Variants in ASXL3 observed in about 807,000 individuals in gnomAD.
The protein encoded by ASXL3 is putative Polycomb group protein ASXL3.
Under a neutral mutation model 170.6 loss-of-function variants are expected in ASXL3, and 34 were observed. That is an observed-to-expected ratio of 0.20 (90% CI 0.15 to 0.27). ASXL3 has a LOEUF of 0.27. Among genes scored for constraint, ASXL3 ranks in the 10% least tolerant of loss-of-function variants. The pLI is 1.00. For synonymous variants in ASXL3, 1,002 were observed against 989.1 expected (o/e 1.01, Z -0.24); for missense variants, 2,592 against 2,695.3 (o/e 0.96, Z 0.85).
intron 2 of ASXL3, among the ~76,000 whole-genome samples, chr18:33,639,656 A>G (rs925432355): frequency 4.6e-5 from 7 of 152,156 alleles, no homozygotes; most frequent in African/African-American, 1.7e-4. Context: ...TCCTTGTATT[A>G]ATGTTTTTGA....
chr18:33,590,224 T>C (rs1470620592), intron 1 of ASXL3, among the ~76,000 whole-genome samples: 4 of 151,590 alleles, frequency 2.6e-5, no homozygotes, highest in Non-Finnish European at 5.9e-5. Context: ...ACGTGTGTTG[T>C]CCAACCTTAG....
chr18:33,636,402 A>C (rs72960046), intron 2 of ASXL3, among the ~76,000 whole-genome samples: 5 of 152,286 alleles, frequency 3.3e-5, no homozygotes, highest in Non-Finnish European at 5.9e-5. Context: ...ATGGCTAAGA[A>C]GCAGTCTGAG....
intron 4 of ASXL3, among the ~76,000 whole-genome samples, chr18:33,652,561 A>C (rs1427943642): frequency 7.2e-6 from 1 of 138,730 alleles, no homozygotes; most frequent in East Asian, 2.4e-4. Context: ...AGGAAGCAGC[A>C]CTCTAGCAAG....
At chr18:33,709,332 G>T (rs758145081) in intron 8 of ASXL3, among the ~76,000 whole-genome samples, 3 of 150,120 alleles carry the variant, frequency 2.0e-5, no homozygotes, top group Non-Finnish European at 4.4e-5. Flanking sequence ...AACATGAGCA[G>T]AAAAGTTATA....
At chr18:33,580,993 A>G (rs2064986742) in intron 1 of ASXL3, among the ~76,000 whole-genome samples, 1 of 152,148 alleles carries the variant, frequency 6.6e-6, no homozygotes, top group South Asian at 2.1e-4. Flanking sequence ...TCTAATTCTT[A>G]TTTTGTGAAG....
At position 33,749,242 on chromosome 18, in the gene ASXL3, T is replaced by C. The variant is rs1406991820; in HGVS notation, c.*2647T>C. On this transcript the variant is annotated 3_prime_UTR_variant, in exon 12 of 12. Coordinates refer to ENST00000269197, the MANE Select transcript of ASXL3 (RefSeq NM_030632.3). ...TATAGGTTTCCATTTAATATATATA[T>C]ACACACAAAATCCAGTATATTCTGA... The C allele has an allele frequency of 2.0e-5, 3 of 152,166 alleles. No homozygotes were observed. The highest frequency in any genetic ancestry group is 2.4e-5 in the African/African-American group (1 of 41,456). 9.4% of individuals were successfully genotyped at this position (152,166 alleles called of 1,614,324 possible).
chr18:33,680,765 G>T (rs1242694103), intron 7 of ASXL3, among the ~76,000 whole-genome samples: 1 of 151,820 alleles, frequency 6.6e-6, no homozygotes, highest in South Asian at 2.1e-4. Flanking sequence ...TAATATTGCA[G>T]TATGACTTTT....
At chr18:33,585,653 C>T (rs1384166900) in intron 1 of ASXL3, among the ~76,000 whole-genome samples, 1 of 152,170 alleles carries the variant, frequency 6.6e-6, no homozygotes, top group Admixed American at 6.5e-5. Context: ...CTGGGGTTAG[C>T]GCCAAAGGGC....
At chr18:33,628,639 G>A (rs2065634689) in intron 2 of ASXL3, among the ~76,000 whole-genome samples, 1 of 152,156 alleles carries the variant, frequency 6.6e-6, no homozygotes, top group African/African-American at 2.4e-5. Flanking sequence ...TGCATGGAAG[G>A]CAATCAGGTG....
intron 2 of ASXL3, among the ~76,000 whole-genome samples, chr18:33,637,052 T>C (rs907887535): frequency 2.0e-5 from 3 of 152,186 alleles, no homozygotes; most frequent in African/African-American, 4.8e-5. Context: ...GGATGTGTTT[T>C]TCAATTTTAT....
intron 7 of ASXL3, among the ~76,000 whole-genome samples, chr18:33,674,632 T>G (rs934251318): frequency 6.6e-6 from 1 of 152,082 alleles, no homozygotes; most frequent in Admixed American, 6.5e-5. Context: ...CTTTTTTTTT[T>G]TTTGAGACGG....
chr18:33,662,592 C>T (rs745534332), intron 5 of ASXL3, among the ~76,000 whole-genome samples: 28 of 152,184 alleles, frequency 1.8e-4, no homozygotes, highest in Non-Finnish European at 2.6e-4. Flanking sequence ...ATGGAGCCAT[C>T]GTATGATGAT....
chr18:33,640,850 G>A (rs371001643), intron 2 of ASXL3, among the ~76,000 whole-genome samples: 1 of 90,058 alleles, frequency 1.1e-5, no homozygotes, highest in Non-Finnish European at 2.1e-5. Context: ...GCTTGAATTT[G>A]TTGTTTTTAT....
chr18:33,678,024 G>A (rs889197782), intron 7 of ASXL3, among the ~76,000 whole-genome samples: 1 of 151,778 alleles, frequency 6.6e-6, no homozygotes, highest in Admixed American at 6.6e-5. Flanking sequence ...CAAGTAACTG[G>A]GACTACAGGC....
At chr18:33,614,894 T>G (rs1555720084) in intron 2 of ASXL3, 1 of 152,082 alleles carries the variant, frequency 6.6e-6, no homozygotes. Context: ...TGCAAACAGA[T>G]GTGGTGTCAT....
intron 1 of ASXL3, among the ~76,000 whole-genome samples, chr18:33,585,988 A>G (rs1348645602): frequency 6.6e-6 from 1 of 152,206 alleles, no homozygotes; most frequent in Non-Finnish European, 1.5e-5. Flanking sequence ...ATTTAAAAAA[A>G]TCAAAGTCAA....
At chr18:33,628,563 ACT>A (rs2065633536) in intron 2 of ASXL3, among the ~76,000 whole-genome samples, 1 of 152,048 alleles carries the variant, frequency 6.6e-6, no homozygotes, top group Non-Finnish European at 1.5e-5. Flanking sequence ...ATTTCTTCAC[ACT>A]CTATGCTGAA....
At chr18:33,680,055 AT>A (rs2066490981) in intron 7 of ASXL3, among the ~76,000 whole-genome samples, 1 of 151,594 alleles carries the variant, frequency 6.6e-6, no homozygotes, top group African/African-American at 2.4e-5. Context: ...TAATTTCATT[AT>A]TTTTACACGT....
At chr18:33,645,825 G>T (rs986943201) in intron 3 of ASXL3, among the ~76,000 whole-genome samples, 2 of 151,888 alleles carry the variant, frequency 1.3e-5, no homozygotes, top group African/African-American at 4.8e-5. Flanking sequence ...TCAGGCTGTG[G>T]TCTACTGTGT....
Sources: allele counts gnomAD v4.1 joint callset (sites outside exome capture counted in the v4.1 genomes callset), GRCh38; gene constraint gnomAD v4.1.1; transcripts MANE v1.5; gene names NCBI Gene and HGNC (gene_info 2026-07-23, HGNC 2026-07-21).